DNAH14: variants seen among roughly 807,000 people sequenced by gnomAD.
The protein encoded by DNAH14 is axonemal beta dynein heavy chain 14.
DNAH14 carries 478 observed loss-of-function variants against 520.9 expected under a neutral mutation model. The observed-to-expected ratio is 0.92, with a 90% confidence interval of 0.85 to 0.99. The LOEUF (loss-of-function observed/expected upper bound fraction) is 0.99, where lower values mean the gene tolerates loss of function less well. Ranked by LOEUF, DNAH14 falls within the 50% of genes least tolerant of loss-of-function variation. DNAH14 has a pLI of 0.00. For synonymous variants in DNAH14, 1,581 were observed against 1,757.2 expected (o/e 0.90, Z 2.51); for missense variants, 4,831 against 5,234.5 (o/e 0.92, Z 2.38).
At chr1:225,082,508 A>T in intron 19 of DNAH14, 41 bp from the exon 20 acceptor site, 1 of 1,369,874 alleles carries the variant, frequency 7.3e-7, no homozygotes, top group Middle Eastern at 2.1e-4. Flanking sequence ...AAAAAATATA[A>T]TGAACATATT....
Position 225,360,766 on chromosome 1 carries a change from T to C in DNAH14, c.11862T>C (p.Arg3954=), listed in dbSNP as rs1303429605. 1 of 1,551,742 alleles carries C rather than the reference T, an allele frequency of 6.4e-7. No individual in the cohort carries two copies. The highest frequency in any genetic ancestry group is 1.4e-5 in the African/African-American group (1 of 73,180). Residue 3954 remains arginine (R), a synonymous_variant, in exon 75 of 86, where the codon CGT becomes CGC. Transcript: ENST00000682510. ...THHVTIISLG[R]DQAAKAEDLI... ...ATGTGACCATAATTTCTCTGGGCCG[T>C]GACCAAGCAGCTAAAGCTGAAGACC...
intron 41 of DNAH14, among the ~76,000 whole-genome samples, chr1:225,219,517 A>G (rs1330916402): frequency 1.3e-5 from 2 of 152,210 alleles, no homozygotes; most frequent in Non-Finnish European, 2.9e-5. Flanking sequence ...CCATCAGAGA[A>G]TACTATAAAC....
chr1:225,374,300 C>A (rs1334919556), intron 77 of DNAH14, among the ~76,000 whole-genome samples: 1 of 142,278 alleles, frequency 7.0e-6, no homozygotes, highest in African/African-American at 2.6e-5. Context: ...CTCACTCTGT[C>A]GCCCAGGCTG....
chr1:225,043,145 G>A (rs746445162), intron 13 of DNAH14, 31 bp downstream of exon 13: 10 of 1,524,264 alleles, frequency 6.6e-6, no homozygotes, highest in Non-Finnish European at 8.8e-6. Flanking sequence ...AAGAATGAGG[G>A]GTTGCCAGGT....
chr1:225,373,907 C>T (rs1211321784), intron 77 of DNAH14, among the ~76,000 whole-genome samples: 2 of 151,496 alleles, frequency 1.3e-5, no homozygotes, highest in African/African-American at 4.9e-5. Flanking sequence ...AGGCGGATCG[C>T]TTGAGCGCAG....
In DNAH14 at chr1:225,300,889, G is replaced by T; in HGVS notation, c.8490G>T (p.Leu2830Phe). The T allele has an allele frequency of 1.3e-6, 2 of 1,550,398 alleles. No individual in the cohort carries two copies. Among genetic ancestry groups the T allele is most frequent in the South Asian group, 2.4e-5 (2 of 83,538 alleles). The stretch of plus-strand genomic sequence containing the variant: ...CTAAGGACTCATTTTTAGAAGATTT[G>T]AACTACATCATCAGTTCAGGAAGAA... ...NIEQDSFLEDLNYIISSGRIP... is the reference protein window; with the variant it reads ...NIEQDSFLEDFNYIISSGRIP... Residue 2830 changes from leucine to phenylalanine, a missense_variant, in exon 56 of 86, where the codon TTG becomes TTT. Transcript: ENST00000682510.
intron 23 of DNAH14, among the ~76,000 whole-genome samples, chr1:225,108,166 C>G (rs566298586): frequency 6.6e-6 from 1 of 152,198 alleles, no homozygotes; most frequent in Non-Finnish European, 1.5e-5. Context: ...ATCTTTCTCC[C>G]TTGCTGGATG....
At chr1:225,189,882 G>A (rs2085201911) in intron 37 of DNAH14, among the ~76,000 whole-genome samples, 1 of 151,642 alleles carries the variant, frequency 6.6e-6, no homozygotes, top group Non-Finnish European at 1.5e-5. Context: ...TGCCTTTTGT[G>A]TTTGATTTTT....
At chr1:224,967,115 C>T (rs1281062542) in intron 5 of DNAH14, among the ~76,000 whole-genome samples, 3 of 151,918 alleles carry the variant, frequency 2.0e-5, no homozygotes, top group Admixed American at 6.6e-5. Flanking sequence ...TAGAAGATGG[C>T]ATATATGTAA....
chr1:225,080,667 A>T lies in DNAH14; in HGVS notation c.3055A>T (p.Ser1019Cys), dbSNP rs1185491993. Reference sequence around the variant, plus strand: ...GCGAGCCTCTTGGGAATGGAGGAATAGTTCTCTTCAAAGTATTGATGTAGA... The same window carrying T: ...GCGAGCCTCTTGGGAATGGAGGAATTGTTCTCTTCAAAGTATTGATGTAGA... ...WKRASWEWRN[S>C]SLQSIDVESV... The change falls in exon 19 of 86, where the codon AGT becomes TGT. Residue 1019 changes from serine (S) to cysteine (C), a missense_variant. Transcript: ENST00000682510. 1.3e-6 allele frequency: 2 copies of T among 1,551,878 alleles called. No individual in the cohort carries two copies. Among genetic ancestry groups the T allele is most frequent in the Non-Finnish European group, 1.7e-6 (2 of 1,146,964 alleles).
intron 11 of DNAH14, among the ~76,000 whole-genome samples, chr1:225,028,846 G>A (rs980228203): frequency 1.3e-5 from 2 of 151,984 alleles, no homozygotes; most frequent in Non-Finnish European, 2.9e-5. Flanking sequence ...TACATGGCTG[G>A]TGGGAATGCA....
At chr1:225,254,359 A>G (rs963236603) in intron 44 of DNAH14, among the ~76,000 whole-genome samples, 1 of 152,206 alleles carries the variant, frequency 6.6e-6, no homozygotes, top group Non-Finnish European at 1.5e-5. Context: ...AAAAATCCTG[A>G]AATACCTGAC....
At chr1:225,387,532 G>T (rs1339316250) in intron 81 of DNAH14, among the ~76,000 whole-genome samples, 2 of 152,130 alleles carry the variant, frequency 1.3e-5, no homozygotes, top group East Asian at 1.9e-4. Flanking sequence ...GGGCTGAAGG[G>T]ATTCCAGGCA....
At chr1:224,930,925 T>G (rs2058657587) in intron 1 of DNAH14, among the ~76,000 whole-genome samples, 1 of 152,172 alleles carries the variant, frequency 6.6e-6, no homozygotes, top group African/African-American at 2.4e-5. Context: ...AACGATTATT[T>G]TAGTGTACTC....
intron 1 of DNAH14, among the ~76,000 whole-genome samples, chr1:224,945,675 A>T (rs745460630): frequency 1.1e-4 from 16 of 152,360 alleles, no homozygotes; most frequent in South Asian, 4.1e-4. Flanking sequence ...TTTGGTGTGG[A>T]TGTCCTTTCT....
At chr1:225,042,464 A>G (rs1167631418) in intron 12 of DNAH14, among the ~76,000 whole-genome samples, 1 of 152,168 alleles carries the variant, frequency 6.6e-6, no homozygotes, top group Non-Finnish European at 1.5e-5. Flanking sequence ...CAGGTGCACA[A>G]TAGAGTCACC....
chr1:224,937,474 A>G (rs557086065), intron 1 of DNAH14, among the ~76,000 whole-genome samples: 1 of 152,176 alleles, frequency 6.6e-6, no homozygotes, highest in South Asian at 2.1e-4. Context: ...TAAATATAAA[A>G]TACCTAGAAA....
intron 10 of DNAH14, among the ~76,000 whole-genome samples, chr1:225,014,802 A>T (rs2065079367): frequency 6.6e-6 from 1 of 152,174 alleles, no homozygotes; most frequent in South Asian, 2.1e-4. Flanking sequence ...GTAAATGTTT[A>T]TGAGGTCCAT....
intron 54 of DNAH14, among the ~76,000 whole-genome samples, chr1:225,277,980 T>C (rs1207017024): frequency 1.3e-5 from 2 of 152,150 alleles, no homozygotes; most frequent in Non-Finnish European, 2.9e-5. Context: ...TTATTTTTAT[T>C]TAATTTATTA....
Sources: gnomAD v4.1 joint callset for allele counts (sites outside exome capture counted in the v4.1 genomes callset) on GRCh38, gnomAD v4.1.1 for gene constraint, MANE v1.5 for transcripts, NCBI Gene and HGNC (gene_info 2026-07-23, HGNC 2026-07-21) for gene names.